DISC1: variants seen among roughly 807,000 people sequenced by gnomAD.
The protein encoded by DISC1 is disrupted in schizophrenia 1 protein.
A neutral mutation model predicts 84.5 loss-of-function variants in DISC1; 57 were observed. That is an observed-to-expected ratio of 0.67 (90% CI 0.55 to 0.84). The LOEUF (loss-of-function observed/expected upper bound fraction) is 0.84. DISC1 is among the 40% of genes least tolerant of loss of function. The probability of loss-of-function intolerance (pLI) is 0.00; values close to 1 mark genes in which losing one functional copy is unlikely to be tolerated. For missense variants in DISC1, 1,000 were observed against 1,057.8 expected, an observed-to-expected ratio of 0.95 and a Z score of 0.76; for synonymous variants, 411 against 415.2, an observed-to-expected ratio of 0.99 and a Z score of 0.12.
chr1:231,714,423 C>T (rs1479301778), intron 3 of DISC1, among the ~76,000 whole-genome samples: 1 of 152,146 alleles, frequency 6.6e-6, no homozygotes, highest in Admixed American at 6.6e-5. Flanking sequence ...TCTTGTCTCA[C>T]ACCTTAAACA....
chr1:231,701,955 G>T lies in DISC1; in HGVS notation c.1048G>T (p.Val350Leu), dbSNP rs78640112. ...TTTTTTCCCCTTTAAACCAACATAGGTAATATCCTTAAGATTAAAACTTCA... is the reference window on the plus strand; with the variant it reads ...TTTTTTCCCCTTTAAACCAACATAGTTAATATCCTTAAGATTAAAACTTCA... ...CLLRNRRQME[V>L]ISLRLKLQKL... The change falls in exon 3 of 13, where the codon GTA becomes TTA. Residue 350 changes from valine to leucine, a missense_variant and splice_region_variant. Physicochemically the swap from Val to Leu is conservative, Grantham distance 32. Around this residue, in one of 3 missense-constraint regions of DISC1, gnomAD observed 311 missense variants for 400.1 expected, o/e 0.78. Coordinates refer to ENST00000439617, the MANE Select transcript of DISC1 (RefSeq NM_018662.3). The T allele has an allele frequency of 4.4e-6, 7 of 1,600,142 alleles. No homozygotes were observed. Among genetic ancestry groups the T allele is most frequent in the Non-Finnish European group, 6.0e-6 (7 of 1,172,674 alleles).
intron 1 of DISC1, among the ~76,000 whole-genome samples, chr1:231,635,232 A>G (rs1204319309): frequency 1.3e-5 from 2 of 151,908 alleles, no homozygotes; most frequent in Non-Finnish European, 2.9e-5. Context: ...TCAGAGACTC[A>G]TTATCTCCCC....
intron 1 of DISC1, among the ~76,000 whole-genome samples, chr1:231,674,839 A>G (rs1425230528): frequency 6.6e-6 from 1 of 152,180 alleles, no homozygotes; most frequent in Admixed American, 6.5e-5. Context: ...ATAACCTTAA[A>G]ACTCACCTAG....
intron 1 of DISC1, among the ~76,000 whole-genome samples, chr1:231,686,029 C>G (rs2064227400): frequency 6.6e-6 from 1 of 152,212 alleles, no homozygotes; most frequent in Non-Finnish European, 1.5e-5. Context: ...TCACACTGAT[C>G]CAAGAGGTGG....
chr1:231,633,884 CTTTTTTT>C (rs547057206), intron 1 of DISC1, among the ~76,000 whole-genome samples: 1 of 135,444 alleles, frequency 7.4e-6, no homozygotes, highest in East Asian at 2.1e-4. Flanking sequence ...TACCTGTCAT[CTTTTTTT>C]TTTTTTTTTT....
At chr1:231,687,622 T>G (rs1355706760) in intron 1 of DISC1, among the ~76,000 whole-genome samples, 1 of 152,192 alleles carries the variant, frequency 6.6e-6, no homozygotes, top group African/African-American at 2.4e-5. Flanking sequence ...GCATGTGTGC[T>G]CCCCCAACAG....
At chr1:231,729,189 G>A (rs1453194784) in intron 3 of DISC1, among the ~76,000 whole-genome samples, 1 of 152,182 alleles carries the variant, frequency 6.6e-6, no homozygotes, top group Non-Finnish European at 1.5e-5. Context: ...TTTTATGGCT[G>A]CGTAGTATTC....
At chr1:231,936,115 G>T (rs1398809576) in intron 9 of DISC1, among the ~76,000 whole-genome samples, 1 of 152,118 alleles carries the variant, frequency 6.6e-6, no homozygotes, top group Non-Finnish European at 1.5e-5. Flanking sequence ...CTGACCCCAG[G>T]AACCACCCTG....
At position 232,031,043 on chromosome 1, in the gene DISC1, G is replaced by C. The variant is rs1202608406; in HGVS notation, c.2425+4491G>C. Among the ~76,000 whole-genome samples, 2 of 151,924 alleles carry C rather than the reference G, an allele frequency of 1.3e-5. No individual in the cohort carries two copies. The highest frequency in any genetic ancestry group is 2.9e-5 in the Non-Finnish European group (2 of 67,996). ...AATTGCTTGAACCCAGGAGGTGGAG[G>C]TCGCAGTGAGCTGAGACTGCACACT... On this transcript the variant is annotated intron_variant, in intron 12 of 12. Coordinates refer to ENST00000439617, the MANE Select transcript of DISC1 (RefSeq NM_018662.3). This position sits in a 1 kb window ranked among gnomAD's most constrained non-coding sequence, Gnocchi z 4.6.
At chr1:231,729,360 A>G (rs561436917) in intron 3 of DISC1, among the ~76,000 whole-genome samples, 1 of 152,348 alleles carries the variant, frequency 6.6e-6, no homozygotes, top group Non-Finnish European at 1.5e-5. Context: ...TATACCCAGT[A>G]ATGGGATGGC....
At chr1:232,012,775 G>C (rs540291988) in intron 11 of DISC1, among the ~76,000 whole-genome samples, 1 of 152,156 alleles carries the variant, frequency 6.6e-6, no homozygotes, top group Non-Finnish European at 1.5e-5. Flanking sequence ...ACACCTTCCT[G>C]GGTCTACGGT....
chr1:231,923,706 G>A (rs2090153198), intron 9 of DISC1, among the ~76,000 whole-genome samples: 1 of 152,188 alleles, frequency 6.6e-6, no homozygotes, highest in Admixed American at 6.5e-5. Flanking sequence ...GCTGAGACTT[G>A]GTTTTTGTTA....
chr1:231,839,247 C>T (rs2082850153), intron 9 of DISC1, among the ~76,000 whole-genome samples: 1 of 152,150 alleles, frequency 6.6e-6, no homozygotes, highest in African/African-American at 2.4e-5. Flanking sequence ...TACCACTTAG[C>T]AGCTGTGTAA....
At chr1:231,777,239 AG>A (rs2077026322) in intron 6 of DISC1, among the ~76,000 whole-genome samples, 1 of 151,908 alleles carries the variant, frequency 6.6e-6, no homozygotes, top group Non-Finnish European at 1.5e-5. Flanking sequence ...TCTCTTTTTT[AG>A]AGATGGGGTT....
At chr1:232,019,430 T>C (rs1209857110) in intron 11 of DISC1, among the ~76,000 whole-genome samples, 3 of 152,218 alleles carry the variant, frequency 2.0e-5, no homozygotes, top group African/African-American at 7.2e-5. Context: ...AAAGACACTT[T>C]GAAATGCCGA....
In DISC1 at chr1:231,705,321, TAA is replaced by T. The variant is rs5781665; in HGVS notation, c.1117+3309_1117+3310del. Among the ~76,000 whole-genome samples the T allele has an allele frequency of 1.3e-4, 14 of 104,106 alleles. No individual in the cohort carries two copies. In the South Asian group the frequency reaches 4.0e-3, roughly 30 times the overall value. 68.3% of individuals were successfully genotyped at this position (104,106 alleles called of 152,430 possible). On this transcript the variant is annotated intron_variant, in intron 3 of 12. Transcript: ENST00000439617. ...AAAAAAAAAAAAAAAAAAAAATCAT[TAA>T]AAAAAAAAAAATAAAGGCAGACAAA...
At chr1:231,824,958 T>A (rs1229067057) in intron 9 of DISC1, among the ~76,000 whole-genome samples, 1 of 152,186 alleles carries the variant, frequency 6.6e-6, no homozygotes, top group Non-Finnish European at 1.5e-5. Context: ...GTACTTACGA[T>A]ATGCTAGGCG....
At chr1:231,870,122 T>C (rs146883003) in intron 9 of DISC1, among the ~76,000 whole-genome samples, 1 of 152,098 alleles carries the variant, frequency 6.6e-6, no homozygotes, top group East Asian at 1.9e-4. Context: ...TGAGGAAGGC[T>C]CAGAAGATGA....
intron 10 of DISC1, among the ~76,000 whole-genome samples, chr1:232,006,701 A>C (rs996391275): frequency 6.6e-6 from 1 of 152,238 alleles, no homozygotes; most frequent in African/African-American, 2.4e-5. Flanking sequence ...GTAGAAAAGA[A>C]AATTCCATTT....
Sources: allele counts gnomAD v4.1 joint callset (sites outside exome capture counted in the v4.1 genomes callset), GRCh38; gene constraint gnomAD v4.1.1; regional missense constraint gnomAD v4.1.1; non-coding constraint Gnocchi (gnomAD v3.1); transcripts MANE v1.5; gene names NCBI Gene and HGNC (gene_info 2026-07-23, HGNC 2026-07-21).